Variants in ATP6V1H observed in about 807,000 individuals in gnomAD.
ATP6V1H encodes the protein ATPase H+ transporting V1 subunit H, also known as V-type proton ATPase subunit H.
ATP6V1H carries 39 observed loss-of-function variants against 71.7 expected under a neutral mutation model. That is an observed-to-expected ratio of 0.54 (90% CI 0.42 to 0.71). The LOEUF is 0.71. ATP6V1H is among the 30% of genes least tolerant of loss of function. ATP6V1H has a pLI of 0.00. For synonymous variants in ATP6V1H, 192 were observed against 199.3 expected (o/e 0.96, Z 0.31); for missense variants, 509 against 594.9 (o/e 0.86, Z 1.50).
rs540384022 is a variant in ATP6V1H at position 53,797,623 on chromosome 8, A to ACAT, written c.678-1787_678-1785dup. ...TCTCTTACCATTGCCCACCTATTTTACATCACCCACCCCACCTTATGGGTG... is the reference window on the plus strand; with the variant it reads ...TCTCTTACCATTGCCCACCTATTTTACATCATCACCCACCCCACCTTATGGGTG... On this transcript the variant is annotated intron_variant, in intron 8 of 13. Coordinates refer to ENST00000359530, the MANE Select transcript of ATP6V1H (RefSeq NM_015941.4). 2.2e-4 allele frequency among the ~76,000 whole-genome samples: 33 copies of ACAT among 152,206 alleles called. No homozygotes were observed. In the East Asian group the frequency reaches 6.0e-3, roughly 28 times the overall value.
At chr8:53,815,848 A>G (rs1342471695) in intron 5 of ATP6V1H, among the ~76,000 whole-genome samples, 2 of 152,244 alleles carry the variant, frequency 1.3e-5, no homozygotes, top group African/African-American at 4.8e-5. Context: ...TTATCAGCAC[A>G]TGGTTAAACC....
intron 13 of ATP6V1H, among the ~76,000 whole-genome samples, chr8:53,733,871 A>G (rs915117196): frequency 6.6e-6 from 1 of 152,132 alleles, no homozygotes; most frequent in South Asian, 2.1e-4. Flanking sequence ...TGACAAAGCC[A>G]TTTACACTAT....
intron 9 of ATP6V1H, among the ~76,000 whole-genome samples, chr8:53,785,095 A>C (rs201963957): frequency 6.6e-6 from 1 of 152,094 alleles, no homozygotes; most frequent in African/African-American, 2.4e-5. Flanking sequence ...GCCTTGCTAG[A>C]TTGGGGAAGT....
At chr8:53,724,587 T>G (rs974886038) in intron 13 of ATP6V1H, among the ~76,000 whole-genome samples, 1 of 25,204 alleles carries the variant, frequency 4.0e-5, no homozygotes, top group Non-Finnish European at 8.1e-5. Context: ...TCCTCCCCCC[T>G]CCCCCTCCTC....
At chr8:53,741,290 A>G (rs1392752232) in intron 13 of ATP6V1H, among the ~76,000 whole-genome samples, 3 of 152,226 alleles carry the variant, frequency 2.0e-5, no homozygotes, top group African/African-American at 7.2e-5. Flanking sequence ...CCACTGGCAA[A>G]GGGAAAAGGT....
chr8:53,755,949 G>T (rs890907527), intron 12 of ATP6V1H, among the ~76,000 whole-genome samples: 1 of 140,102 alleles, frequency 7.1e-6, no homozygotes, highest in African/African-American at 2.6e-5. Context: ...AGTAGAGACG[G>T]GGTTTCACCG....
chr8:53,826,443 T>A (rs1035346049), intron 4 of ATP6V1H, among the ~76,000 whole-genome samples: 3 of 152,184 alleles, frequency 2.0e-5, no homozygotes, highest in African/African-American at 7.2e-5. Flanking sequence ...GTACATCCAC[T>A]AATGGGGTAC....
At position 53,715,934 on chromosome 8, in the gene ATP6V1H, T is replaced by A; in HGVS notation, c.*30A>T. ...CAGTGCTCCCACTACTGGTTCTGCA[T>A]TGAGGCGGAGGGGAAGGCCAGAGGC... On this transcript the variant is annotated 3_prime_UTR_variant, in exon 14 of 14. Coordinates refer to ENST00000359530, the MANE Select transcript of ATP6V1H (RefSeq NM_015941.4). The A allele has an allele frequency of 6.2e-7, 1 of 1,601,886 alleles. No individual in the cohort carries two copies. Among genetic ancestry groups the A allele is most frequent in the Non-Finnish European group, 8.5e-7 (1 of 1,173,612 alleles).
intron 12 of ATP6V1H, among the ~76,000 whole-genome samples, chr8:53,753,776 A>G (rs1387409181): frequency 6.6e-6 from 1 of 152,202 alleles, no homozygotes; most frequent in Non-Finnish European, 1.5e-5. Flanking sequence ...TTTCCATAGT[A>G]AAACCAATTA....
chr8:53,838,395 A>T (rs200362174), intron 2 of ATP6V1H, among the ~76,000 whole-genome samples: 1 of 152,190 alleles, frequency 6.6e-6, no homozygotes, highest in East Asian at 1.9e-4. Context: ...CTGGGATTAC[A>T]GGCGTGAGCC....
intron 13 of ATP6V1H, among the ~76,000 whole-genome samples, chr8:53,734,482 C>T (rs1807128569): frequency 6.6e-6 from 1 of 152,208 alleles, no homozygotes; most frequent in Admixed American, 6.5e-5. Flanking sequence ...TGCTTTAATT[C>T]AGGCTTTAGA....
At chr8:53,723,802 C>T (rs1384944008) in intron 13 of ATP6V1H, among the ~76,000 whole-genome samples, 2 of 152,194 alleles carry the variant, frequency 1.3e-5, no homozygotes, top group Non-Finnish European at 2.9e-5. Flanking sequence ...GGTCACAACG[C>T]AGTATGTGCT....
intron 9 of ATP6V1H, among the ~76,000 whole-genome samples, chr8:53,776,675 C>A (rs948775354): frequency 6.6e-6 from 1 of 152,030 alleles, no homozygotes; most frequent in Non-Finnish European, 1.5e-5. Context: ...AATTAATAAG[C>A]CTATGAAGAA....
At chr8:53,772,914 A>C (rs1024937456) in intron 9 of ATP6V1H, among the ~76,000 whole-genome samples, 9 of 151,526 alleles carry the variant, frequency 5.9e-5, no homozygotes, top group Non-Finnish European at 7.4e-5. Flanking sequence ...AAAAAAAAAA[A>C]AAAAAAAACA....
chr8:53,733,995 C>G (rs539106416), intron 13 of ATP6V1H, among the ~76,000 whole-genome samples: 19 of 152,260 alleles, frequency 1.2e-4, no homozygotes, highest in South Asian at 4.2e-4. Context: ...TAAAGGTTGC[C>G]CCCCATGTTT....
At chr8:53,826,635 GA>G (rs199885555) in intron 4 of ATP6V1H, among the ~76,000 whole-genome samples, 2 of 150,098 alleles carry the variant, frequency 1.3e-5, no homozygotes, top group Non-Finnish European at 3.0e-5. Context: ...TATGTTCACA[GA>G]AAAAAAAAAT....
Position 53,762,262 on chromosome 8 carries a change from T to TAAAA in ATP6V1H, c.1176-5610_1176-5607dup, listed in dbSNP as rs4013980. ...TGTAATACAAGATCTATAGGAACAC[T>TAAAA]AAAAAAAAAAAATCACACACAAAGG... On this transcript the variant is annotated intron_variant, in intron 11 of 13. Transcript: ENST00000359530. Among the ~76,000 whole-genome samples, 15 of 142,992 alleles carry TAAAA rather than the reference T, an allele frequency of 1.0e-4. No individual in the cohort carries two copies. The East Asian group carries it at 1.2e-3, about 11-fold the overall frequency. 93.8% of individuals were successfully genotyped at this position (142,992 alleles called of 152,430 possible).
At chr8:53,763,703 A>C (rs1048436618) in intron 11 of ATP6V1H, among the ~76,000 whole-genome samples, 1 of 152,190 alleles carries the variant, frequency 6.6e-6, no homozygotes, top group Non-Finnish European at 1.5e-5. Context: ...ACAGCAGGAA[A>C]AAAAAAAATG....
chr8:53,807,732 G>A lies in ATP6V1H; in HGVS notation c.579+3432C>T, dbSNP rs144319158. On this transcript the variant is annotated intron_variant, in intron 7 of 13. Transcript: ENST00000359530. The stretch of plus-strand genomic sequence containing the variant: ...TTGAAATGTTATGAAGTTAGACTGT[G>A]GTAATGGTTGCACAATTCTGTAAAT... Among the ~76,000 whole-genome samples the A allele has an allele frequency of 1.6e-3, 244 of 152,232 alleles. 1 individual carries two copies. The highest frequency in any genetic ancestry group is 2.7e-3 in the Non-Finnish European group (187 of 68,012).
Sources: allele counts gnomAD v4.1 joint callset (sites outside exome capture counted in the v4.1 genomes callset), GRCh38; gene constraint gnomAD v4.1.1; transcripts MANE v1.5; gene names NCBI Gene and HGNC (gene_info 2026-07-23, HGNC 2026-07-21).